Variants in MSR1 observed in about 807,000 individuals in gnomAD.
The protein encoded by MSR1 is macrophage scavenger receptor 1.
Under a neutral mutation model 47.2 loss-of-function variants are expected in MSR1, and 53 were observed. The ratio of observed to expected loss-of-function variants is 1.12; its 90% CI spans 0.90 to 1.41. The LOEUF is 1.41. Among genes scored for constraint, MSR1 ranks in the 40% most tolerant of loss-of-function variants. The pLI is 0.00. For missense variants in MSR1, 786 were observed against 546.9 expected (o/e 1.44, Z -4.36); for synonymous variants, 239 against 185.6 (o/e 1.29, Z -2.34).
intron 8 of MSR1, among the ~76,000 whole-genome samples, chr8:16,126,528 G>A (rs1800132982): frequency 6.6e-6 from 1 of 152,108 alleles, no homozygotes. Context: ...ATTCCTTTAA[G>A]AAGATAACTG....
At chr8:16,171,567 C>G (rs1431031953) in intron 3 of MSR1, among the ~76,000 whole-genome samples, 2 of 152,030 alleles carry the variant, frequency 1.3e-5, no homozygotes, top group Non-Finnish European at 2.9e-5. Flanking sequence ...ACAGCCTCAT[C>G]CATGCATTCA....
intron 8 of MSR1, 61 bp from the exon 9 acceptor site, chr8:16,120,667 T>C: frequency 6.7e-7 from 1 of 1,486,308 alleles, no homozygotes; most frequent in Non-Finnish European, 8.9e-7. Context: ...ATTATGTACA[T>C]ACTGCTTTAC....
intron 8 of MSR1, chr8:16,140,353 G>A: frequency 1.0e-6 from 1 of 985,086 alleles, no homozygotes; most frequent in Non-Finnish European, 1.2e-6. Context: ...AAAGAGACCA[G>A]TATTCATTGA....
At chr8:16,188,498 A>AT (rs146935070) in intron 1 of MSR1, among the ~76,000 whole-genome samples, 4 of 151,858 alleles carry the variant, frequency 2.6e-5, no homozygotes, top group South Asian at 2.1e-4. Context: ...CAAACTTGAA[A>AT]TTTTTTTTAT....
intron 8 of MSR1, chr8:16,140,732 G>A (rs1800533417): frequency 4.3e-6 from 6 of 1,411,592 alleles, no homozygotes; most frequent in Non-Finnish European, 5.5e-6. Flanking sequence ...GTCCGTGCAT[G>A]AGAGGTGTCC....
chr8:16,167,438 G>C (rs1301451919), intron 4 of MSR1, among the ~76,000 whole-genome samples: 1 of 152,124 alleles, frequency 6.6e-6, no homozygotes, highest in Non-Finnish European at 1.5e-5. Context: ...CCAGCTACAT[G>C]GGAGGCTAAG....
chr8:16,136,462 G>A (rs1169608752), intron 8 of MSR1, among the ~76,000 whole-genome samples: 6 of 151,946 alleles, frequency 3.9e-5, no homozygotes, highest in Non-Finnish European at 5.9e-5. Flanking sequence ...TATGCACTGG[G>A]AAACCAAAAA....
Position 16,168,602 on chromosome 8 carries a change from C to A in MSR1, c.486G>T (p.Leu162Phe). 1 of 1,614,136 alleles carries A rather than the reference C, an allele frequency of 6.2e-7. No homozygotes were observed. The highest frequency in any genetic ancestry group is 1.7e-5 in the Admixed American group (1 of 60,020). ...TCCCATGTCCCTGGACTGAGGAAAA[C>A]AAGGTACTTAGCTGCAGAAGAATGT... The part of the protein sequence containing the change: ...FNDILLQLST[L>F]FSSVQGHGNA... Residue 162 changes from leucine (L) to phenylalanine (F), a missense_variant, in exon 4 of 10, where the codon TTG becomes TTT. Transcript: ENST00000262101.
At chr8:16,134,428 T>C (rs1432218847) in intron 8 of MSR1, among the ~76,000 whole-genome samples, 1 of 152,122 alleles carries the variant, frequency 6.6e-6, no homozygotes, top group African/African-American at 2.4e-5. Flanking sequence ...AGATTACTAC[T>C]GTGATTAGTT....
chr8:16,117,307 T>C (rs1799898750), intron 9 of MSR1, among the ~76,000 whole-genome samples: 1 of 152,274 alleles, frequency 6.6e-6, no homozygotes. Flanking sequence ...GAGAATCTAA[T>C]GTCTGATGAT....
chr8:16,181,084 T>C (rs1801816547), intron 1 of MSR1, among the ~76,000 whole-genome samples: 2 of 152,152 alleles, frequency 1.3e-5, no homozygotes, highest in African/African-American at 4.8e-5. Context: ...AGAGCAGTTT[T>C]ACTCACCAAG....
chr8:16,152,553 A>G (rs562708752), intron 6 of MSR1, among the ~76,000 whole-genome samples: 4 of 152,232 alleles, frequency 2.6e-5, no homozygotes, highest in African/African-American at 7.2e-5. Flanking sequence ...TTGCAGCCAG[A>G]GAAGCCTTCA....
chr8:16,188,296 T>A (rs1331050205), intron 1 of MSR1, among the ~76,000 whole-genome samples: 1 of 152,018 alleles, frequency 6.6e-6, no homozygotes, highest in Non-Finnish European at 1.5e-5. Context: ...ATATTATAGA[T>A]ATGTTAGGAT....
rs146752122 is a variant in MSR1, at chr8:16,170,592, C to T, written c.218-1722G>A. The stretch of plus-strand genomic sequence containing the variant: ...ATTTCATATTGCTCAAAAATATATG[C>T]AGCTCCACCTGAGTCTATCAATTTT... On this transcript the variant is annotated intron_variant, in intron 3 of 9. Coordinates refer to ENST00000262101, the MANE Select transcript of MSR1 (RefSeq NM_138715.3). Among the ~76,000 whole-genome samples the T allele has an allele frequency of 1.9e-3, 293 of 152,246 alleles. 2 individuals are homozygous for T. Among genetic ancestry groups the T allele is most frequent in the African/African-American group, 6.9e-3 (285 of 41,536 alleles).
At chr8:16,167,724 C>A (rs1173523158) in intron 4 of MSR1, among the ~76,000 whole-genome samples, 1 of 152,168 alleles carries the variant, frequency 6.6e-6, no homozygotes, top group African/African-American at 2.4e-5. Flanking sequence ...CTCCATTCTT[C>A]TTTCCCCTCA....
At chr8:16,169,495 T>C (rs1364826015) in intron 3 of MSR1, among the ~76,000 whole-genome samples, 1 of 152,158 alleles carries the variant, frequency 6.6e-6, no homozygotes. Flanking sequence ...ACGATTCTCA[T>C]AAGACTCCTT....
rs925213110 is a variant in MSR1 at position 16,173,891 on chromosome 8, T to C, written c.217+1296A>G. Among the ~76,000 whole-genome samples the C allele has an allele frequency of 6.8e-4, 104 of 152,222 alleles. 1 individual carries two copies. Among genetic ancestry groups the C allele is most frequent in the Non-Finnish European group, 4.6e-4 (31 of 68,000 alleles). ...GTCTCGATCTCCTGACCTCGTGATC[T>C]GCCCGCCTCGGCCTCCCAAAGTGCT... is the stretch of plus-strand genomic sequence containing the variant. On this transcript the variant is annotated intron_variant, in intron 3 of 9. Coordinates refer to ENST00000262101, the MANE Select transcript of MSR1 (RefSeq NM_138715.3).
chr8:16,173,475 C>T (rs1801547713), intron 3 of MSR1, among the ~76,000 whole-genome samples: 1 of 152,060 alleles, frequency 6.6e-6, no homozygotes, highest in Non-Finnish European at 1.5e-5. Context: ...ATACAGATAA[C>T]CTTGATTTAC....
chr8:16,128,576 C>G (rs1447873521), intron 8 of MSR1, among the ~76,000 whole-genome samples: 5 of 152,138 alleles, frequency 3.3e-5, no homozygotes, highest in African/African-American at 1.2e-4. Context: ...GCTACTTTAT[C>G]TGTGGTATTC....
Sources: allele counts gnomAD v4.1 joint callset (sites outside exome capture counted in the v4.1 genomes callset), GRCh38; gene constraint gnomAD v4.1.1; transcripts MANE v1.5; gene names NCBI Gene and HGNC (gene_info 2026-07-23, HGNC 2026-07-21).